The following SETX variants were observed in gnomAD, a reference collection of about 807,000 sequenced individuals.
SETX encodes the protein senataxin.
Under a neutral mutation model 227.2 loss-of-function variants are expected in SETX, and 90 were observed. The observed-to-expected ratio is 0.40, with a 90% CI of 0.33 to 0.47. The LOEUF (loss-of-function observed/expected upper bound fraction) is 0.47, where lower values mean the gene tolerates loss of function less well. Ranked by LOEUF, SETX falls within the 20% of genes least tolerant of loss-of-function variation. SETX has a pLI of 0.91. For missense variants in SETX, 3,052 were observed against 3,181.5 expected (o/e 0.96, Z 0.98); for synonymous variants, 1,210 against 1,113.2 (o/e 1.09, Z -1.73).
chr9:132,330,119 G>C lies in SETX; in HGVS notation c.1479C>G (p.Ala493=). ...QQWVEAVVKC[A]KLPTTAFTRS... is the part of the protein sequence containing the mutation. ...GTGTAAACGCAGTGGTAGGAAGCTT[G>C]GCACATTTGACGACGGCTTCCACCC... The change falls in exon 10 of 26, where the codon GCC becomes GCG. Residue 493 remains alanine (A), a synonymous_variant. Transcript: ENST00000224140. 1.2e-6 allele frequency: 2 copies of C among 1,613,504 alleles called. No homozygotes were observed. The highest frequency in any genetic ancestry group is 8.5e-7 in the Non-Finnish European group (1 of 1,179,466).
intron 11 of SETX, among the ~76,000 whole-genome samples, chr9:132,306,703 TTTTA>T (rs1021703179): frequency 3.3e-5 from 5 of 152,108 alleles, no homozygotes; most frequent in Non-Finnish European, 7.4e-5. Context: ...GTTCTATCAG[TTTTA>T]TTTATTTATT....
At chr9:132,304,572 G>A (rs1021461544) in intron 11 of SETX, among the ~76,000 whole-genome samples, 5 of 151,158 alleles carry the variant, frequency 3.3e-5, no homozygotes, top group African/African-American at 9.7e-5. Flanking sequence ...GTTTGAGGCT[G>A]CAGTGAGCTG....
chr9:132,331,306 C>G lies in SETX; in HGVS notation c.981G>C (p.Glu327Asp). ...TIINNASYNREIRHIRNSSVR... is the reference protein window; with the variant it reads ...TIINNASYNRDIRHIRNSSVR... ...CAGAGCTGTTCCGTATATGTCGGAT[C>G]TCTCTATTGTAGCTTGCGTTGTTGA... The change falls in exon 8 of 26, where the codon GAG becomes GAC. Residue 327 changes from glutamate to aspartate, a missense_variant. By Grantham distance (45) the Glu-to-Asp change is conservative. Coordinates refer to ENST00000224140, the MANE Select transcript of SETX (RefSeq NM_015046.7). 6.2e-7 allele frequency: 1 copy of G among 1,614,098 alleles called. No individual in the cohort carries two copies. The highest frequency in any genetic ancestry group is 1.1e-5 in the South Asian group (1 of 91,082).
Position 132,313,836 on chromosome 9 carries a change from AAAC to A in SETX, c.5275-1983_5275-1981del, listed in dbSNP as rs575704840. On this transcript the variant is annotated intron_variant, in intron 10 of 25. Transcript: ENST00000224140. ...AAGGTGTCAGCTGCTGTAAAAAAAA[AAAC>A]AATAAAAAGAAAACAAGCTCCCTGA... Among the ~76,000 whole-genome samples the A allele has an allele frequency of 3.4e-4, 52 of 151,854 alleles. No individual in the cohort carries two copies. The East Asian group carries it at 9.8e-3, about 29-fold the overall frequency.
chr9:132,356,152 A>T (rs1848902593), upstream of SETX, among the ~76,000 whole-genome samples: 1 of 152,040 alleles, frequency 6.6e-6, no homozygotes, highest in African/African-American at 2.4e-5. Context: ...CCTGTCTCAG[A>T]AAAGTCTATA....
At chr9:132,300,881 A>C in intron 11 of SETX, 78 bp from the exon 12 acceptor site, 1 of 1,357,770 alleles carries the variant, frequency 7.4e-7, no homozygotes, top group Non-Finnish European at 1.0e-6. Flanking sequence ...AAAGAAATTA[A>C]ATCCTTGTAT....
rs958802713 is a variant in SETX at position 132,284,884 on chromosome 9, G to GT, written c.6397-1472dup. 2.2e-3 allele frequency among the ~76,000 whole-genome samples: 314 copies of GT among 140,494 alleles called. 1 individual carries two copies. Among genetic ancestry groups the GT allele is most frequent in the South Asian group, 8.2e-3 (36 of 4,390 alleles). 92.2% of individuals were successfully genotyped at this position (140,494 alleles called of 152,430 possible). A position where few individuals can be genotyped will look rare whatever the true frequency, so the allele number is the denominator to read the frequency against. ...CACCCACAAAGCTATTTTTTTTGTT[G>GT]TTTTTTTTTTTTGAGACGGAGTCTC... On this transcript the variant is annotated intron_variant, in intron 18 of 25. Coordinates refer to ENST00000224140, the MANE Select transcript of SETX (RefSeq NM_015046.7).
intron 11 of SETX, 72 bp downstream of exon 11, chr9:132,311,685 T>C (rs1185144361): frequency 1.0e-5 from 11 of 1,104,908 alleles, no homozygotes; most frequent in Non-Finnish European, 1.5e-5. Flanking sequence ...ATTCAAATAA[T>C]GCTATCTCCT....
rs139902837 is a variant in SETX, at chr9:132,312,549, G to C, written c.5275-693C>G. Among the ~76,000 whole-genome samples, 79 of 152,340 alleles carry C rather than the reference G, an allele frequency of 5.2e-4. No individual in the cohort carries two copies. The East Asian group carries it at 9.2e-3, about 18-fold the overall frequency. ...CATTAAGTATTTAAATCAACAAATA[G>C]TCTTTCAGTTCCTCTGAAGAAACTT... On this transcript the variant is annotated intron_variant, in intron 10 of 25. Transcript: ENST00000224140.
In SETX at chr9:132,262,797, A is replaced by C. The variant is rs886063549; in HGVS notation, c.*1442T>G. The C allele has an allele frequency of 2.0e-5, 3 of 152,490 alleles. No homozygotes were observed. The highest frequency in any genetic ancestry group is 2.0e-4 in the Admixed American group (3 of 15,284). 9.4% of individuals were successfully genotyped at this position (152,490 alleles called of 1,614,324 possible). ...TGCTTAAAAAGCAGATGACAAAGGA[A>C]ATGTCAAATAATGCACATGAATCTT... On this transcript the variant is annotated 3_prime_UTR_variant, in exon 26 of 26. Transcript: ENST00000224140.
chr9:132,327,004 C>T lies in SETX; in HGVS notation c.4594G>A (p.Glu1532Lys). 6.2e-7 allele frequency: 1 copy of T among 1,614,236 alleles called. No individual in the cohort carries two copies. Among genetic ancestry groups the T allele is most frequent in the Non-Finnish European group, 8.5e-7 (1 of 1,180,040 alleles). The change falls in exon 10 of 26, where the codon GAA becomes AAA. Residue 1532 changes from glutamate to lysine, a missense_variant. Around this residue, in one of 10 missense-constraint regions of SETX, gnomAD observed 1,483 missense variants for 1,312.0 expected, o/e 1.13. Transcript: ENST00000224140. ...LIHGKDTVEVEEDSVSRPQLE... is the reference protein window; with the variant it reads ...LIHGKDTVEVKEDSVSRPQLE... ...TGAGGCCGACTTACAGAATCTTCTTCAACCTCAACTGTATCTTTTCCATGA... is the reference window on the plus strand; with the variant it reads ...TGAGGCCGACTTACAGAATCTTCTTTAACCTCAACTGTATCTTTTCCATGA...
At chr9:132,319,529 C>T (rs933360718) in intron 10 of SETX, among the ~76,000 whole-genome samples, 8 of 152,264 alleles carry the variant, frequency 5.3e-5, no homozygotes, top group South Asian at 2.1e-4. Context: ...TACTTCACTT[C>T]GGCCATACCA....
upstream of SETX, among the ~76,000 whole-genome samples, chr9:132,355,820 C>G (rs11243740): frequency 1.3e-5 from 2 of 152,064 alleles, no homozygotes; most frequent in Non-Finnish European, 2.9e-5. Context: ...AACTCCGTCT[C>G]TACTAAAAAT....
intron 20 of SETX, among the ~76,000 whole-genome samples, chr9:132,279,860 T>C (rs1843399195): frequency 6.6e-6 from 1 of 152,138 alleles, no homozygotes; most frequent in Non-Finnish European, 1.5e-5. Context: ...CCTGATTTAC[T>C]GATTGAAAAA....
chr9:132,337,947 T>C (rs1032623502), intron 5 of SETX, among the ~76,000 whole-genome samples: 1 of 152,022 alleles, frequency 6.6e-6, no homozygotes, highest in Non-Finnish European at 1.5e-5. Context: ...TCACCATGAG[T>C]TGCAAAGGAT....
At chr9:132,311,661 TTG>T (rs1845666017) in intron 11 of SETX, 94 bp downstream of exon 11, 1 of 853,298 alleles carries the variant, frequency 1.2e-6, no homozygotes, top group Non-Finnish European at 1.9e-6. Context: ...CTTAGAAAAT[TTG>T]TGTCCCCCTA....
intron 2 of SETX, among the ~76,000 whole-genome samples, chr9:132,353,234 T>A (rs939748029): frequency 1.3e-5 from 2 of 152,178 alleles, no homozygotes; most frequent in Admixed American, 1.3e-4. Context: ...CTTACCTCCC[T>A]TGACTTGCTC....
chr9:132,291,436 G>C (rs1435233232), intron 15 of SETX, among the ~76,000 whole-genome samples: 1 of 152,120 alleles, frequency 6.6e-6, no homozygotes, highest in African/African-American at 2.4e-5. Context: ...AAAGTGCTGG[G>C]ATTACAGGAG....
intron 11 of SETX, among the ~76,000 whole-genome samples, chr9:132,310,086 A>C (rs564777017): frequency 1.3e-5 from 2 of 152,364 alleles, no homozygotes; most frequent in African/African-American, 4.8e-5. Context: ...ACTGAAAAAA[A>C]GACAACAGAA....
Sources: allele counts gnomAD v4.1 joint callset (sites outside exome capture counted in the v4.1 genomes callset), GRCh38; gene constraint gnomAD v4.1.1; regional missense constraint gnomAD v4.1.1; transcripts MANE v1.5; gene names NCBI Gene and HGNC (gene_info 2026-07-23, HGNC 2026-07-21).